The following RNASET2 variants were observed in gnomAD, a reference collection of about 807,000 sequenced individuals.
RNASET2 encodes the protein ribonuclease 6.
In RNASET2, 28 loss-of-function variants were observed where a neutral mutation model predicts 33.9. The observed-to-expected ratio is 0.83, with a 90% CI of 0.61 to 1.13. The LOEUF (loss-of-function observed/expected upper bound fraction) is 1.13, where lower values mean the gene tolerates loss of function less well. RNASET2 is among the 50% of genes most tolerant of loss of function. RNASET2 has a pLI of 0.00. For missense variants in RNASET2, 330 were observed against 319.9 expected (o/e 1.03, Z -0.24); for synonymous variants, 123 against 121.0 (o/e 1.02, Z -0.11).
At chr6:166,955,187 ACGCACACACGCACGCACACACG>A (rs1779081061) in intron 1 of RNASET2, among the ~76,000 whole-genome samples, 2 of 90,342 alleles carry the variant, frequency 2.2e-5, no homozygotes, top group African/African-American at 1.1e-4. Context: ...ACACACACAC[ACGCACACACGCACGCACACACG>A]CACGCACACA....
chr6:166,936,343 C>T (rs1193788924), intron 6 of RNASET2, among the ~76,000 whole-genome samples: 1 of 86,012 alleles, frequency 1.2e-5, no homozygotes, highest in African/African-American at 4.6e-5. Flanking sequence ...TAGAGTTTTG[C>T]ATGTGTCGTG....
intron 5 of RNASET2, among the ~76,000 whole-genome samples, chr6:166,939,313 A>G (rs1359178118): frequency 6.6e-6 from 1 of 152,218 alleles, no homozygotes; most frequent in African/African-American, 2.4e-5. Context: ...AGCCTGGGCA[A>G]GAGACAAACT....
At chr6:166,931,625 C>G (rs73256765) in intron 7 of RNASET2, 14,775 of 186,696 alleles carry the variant, frequency 0.079, 1,604 homozygotes, top group African/African-American at 0.27. Flanking sequence ...CTAGACCCCC[C>G]TGTGCTCCAA....
intron 2 of RNASET2, among the ~76,000 whole-genome samples, chr6:166,949,914 C>T (rs2769344): frequency 0.017 from 2,527 of 152,360 alleles, 88 homozygotes; most frequent in African/African-American, 0.058. Context: ...GCACCAGGGA[C>T]AGCCCTCACT....
At chr6:166,939,365 A>C (rs1233846133) in intron 5 of RNASET2, among the ~76,000 whole-genome samples, 1 of 152,284 alleles carries the variant, frequency 6.6e-6, no homozygotes, top group African/African-American at 2.4e-5. Flanking sequence ...CCCAATTAAA[A>C]TGCTCAAGCA....
chr6:166,955,209 GCACGCACACACGCGCACA>G (rs1228095084), intron 1 of RNASET2, among the ~76,000 whole-genome samples: 1 of 77,872 alleles, frequency 1.3e-5, no homozygotes, highest in Non-Finnish European at 2.4e-5. Flanking sequence ...ACGCACACAC[GCACGCACACACGCGCACA>G]CACGCACGCA....
chr6:166,955,251 A>ACG lies in RNASET2; in HGVS notation c.86+845_86+846insCG, dbSNP rs1562506819. Among the ~76,000 whole-genome samples the ACG allele has an allele frequency of 2.0e-4, 22 of 110,834 alleles. No homozygotes were observed. The South Asian group carries it at 4.8e-3, about 24-fold the overall frequency. The allele number at this position is 110,834 out of a possible 152,430, so 72.7% of individuals were successfully genotyped here. A position where few individuals can be genotyped will look rare whatever the true frequency, so the allele number is the denominator to read the frequency against. ...CACACGCACGCACGCACACACACGC[A>ACG]CACACGCACACACACACACGCGCAC... On this transcript the variant is annotated intron_variant, in intron 1 of 8. Coordinates refer to ENST00000508775, the MANE Select transcript of RNASET2 (RefSeq NM_003730.6).
chr6:166,938,680 C>T lies in RNASET2; in HGVS notation c.446+215G>A, dbSNP rs963737374. 10 of 759,984 alleles carry T rather than the reference C, an allele frequency of 1.3e-5. No individual in the cohort carries two copies. The African/African-American group carries it at 1.5e-4, about 12-fold the overall frequency. The allele number at this position is 759,984 out of a possible 1,614,324, so 47.1% of individuals were successfully genotyped here. A position where few individuals can be genotyped will look rare whatever the true frequency, so the allele number is the denominator to read the frequency against. ...CCCAGATGGGCATCCCAATACTCTG[C>T]ACCCACTCTGTGTGATCGTGATGTA... On this transcript the variant is annotated intron_variant, in intron 6 of 8. Coordinates refer to ENST00000508775, the MANE Select transcript of RNASET2 (RefSeq NM_003730.6).
At chr6:166,955,415 A>ACACACACGCG in intron 1 of RNASET2, 1 of 680,676 alleles carries the variant, frequency 1.5e-6, no homozygotes, top group Non-Finnish European at 1.8e-6. Flanking sequence ...ACACGCGCAC[A>ACACACACGCG]CACACACACA....
Position 166,956,407 on chromosome 6 carries a change from G to T in RNASET2, c.-225C>A. On this transcript the variant is annotated 5_prime_UTR_variant, in exon 1 of 9. Coordinates refer to ENST00000508775, the MANE Select transcript of RNASET2 (RefSeq NM_003730.6). Reference sequence around the variant, plus strand: ...CTCCGGGAATGGCCGCAGCAGCCCTGGCGACCCGGGCCCCTCGGAGCTCCC... The same window carrying T: ...CTCCGGGAATGGCCGCAGCAGCCCTTGCGACCCGGGCCCCTCGGAGCTCCC... 1 of 583,590 alleles carries T rather than the reference G, an allele frequency of 1.7e-6. No individual in the cohort carries two copies. Among genetic ancestry groups the T allele is most frequent in the South Asian group, 2.0e-5 (1 of 50,172 alleles). 36.2% of individuals were successfully genotyped at this position (583,590 alleles called of 1,614,324 possible).
chr6:166,950,023 T>G (rs12203820), intron 2 of RNASET2, among the ~76,000 whole-genome samples: 2 of 152,158 alleles, frequency 1.3e-5, no homozygotes, highest in Non-Finnish European at 2.9e-5. Flanking sequence ...GATTTTTTTT[T>G]AAATCTTGTT....
In RNASET2 at chr6:166,956,355, C is replaced by G. The variant is rs964340606; in HGVS notation, c.-173G>C. On this transcript the variant is annotated 5_prime_UTR_variant, in exon 1 of 9. Transcript: ENST00000508775. The stretch of plus-strand genomic sequence containing the variant: ...GCCCGGAGCCCTGGGACGGCCTAAA[C>G]CAGTATCTCGCGGGCCCCGCGCCGG... 9 of 634,878 alleles carry G rather than the reference C, an allele frequency of 1.4e-5. No individual in the cohort carries two copies. The highest frequency in any genetic ancestry group is 2.5e-5 in the Non-Finnish European group (9 of 361,182). 39.3% of individuals were successfully genotyped at this position (634,878 alleles called of 1,614,324 possible).
chr6:166,945,700 C>G (rs1258231263), intron 4 of RNASET2, among the ~76,000 whole-genome samples: 3 of 151,926 alleles, frequency 2.0e-5, no homozygotes, highest in South Asian at 2.1e-4. Context: ...CATGGTGGCG[C>G]ATGCCTGTAA....
At chr6:166,943,310 C>T in intron 4 of RNASET2, 1 of 450,312 alleles carries the variant, frequency 2.2e-6, no homozygotes, top group Non-Finnish European at 4.1e-6. Flanking sequence ...AAAATACAAG[C>T]TGTTATAGGT....
At chr6:166,956,059 C>G (rs561121019) in intron 1 of RNASET2, 38 bp downstream of exon 1, 1 of 1,539,880 alleles carries the variant, frequency 6.5e-7, no homozygotes, top group African/African-American at 1.4e-5. Context: ...TAGGGCCCGG[C>G]TCCCACGCTC....
chr6:166,945,507 G>A (rs1437881509), intron 4 of RNASET2: 2 of 153,494 alleles, frequency 1.3e-5, no homozygotes, highest in Non-Finnish European at 2.9e-5. Flanking sequence ...GGTCTTCACG[G>A]GGAGGAAAAA....
At position 166,946,690 on chromosome 6, in the gene RNASET2, C is replaced by A; in HGVS notation, c.253G>T (p.Glu85Ter). The A allele has an allele frequency of 6.5e-7, 1 of 1,539,710 alleles. No homozygotes were observed. The highest frequency in any genetic ancestry group is 8.9e-7 in the Non-Finnish European group (1 of 1,123,272). The change falls in exon 4 of 9, where the codon GAG (glutamate) becomes TAG (stop). Residue 85 changes from glutamate (E) to a stop codon, truncating the protein, a stop_gained. Transcript: ENST00000508775. LOFTEE classifies it high-confidence loss of function. The stretch of plus-strand genomic sequence containing the variant: ...TAATTAAAAGTCAATACCTTAATCT[C>A]TTCTAAATTGAAGGGCCACGATCTA... ...CNRSWPFNLE[E>*]IKDLLPEMRA...
At chr6:166,949,979 G>A (rs980688804) in intron 2 of RNASET2, among the ~76,000 whole-genome samples, 2 of 152,244 alleles carry the variant, frequency 1.3e-5, no homozygotes, top group African/African-American at 4.8e-5. Flanking sequence ...TGCCCAGTAG[G>A]AAATACACTC....
In RNASET2 at chr6:166,926,941, G is replaced by T. The variant is rs189779279; in HGVS notation, c.*2647C>A. 2.0e-5 allele frequency among the ~76,000 whole-genome samples: 3 copies of T among 152,104 alleles called. No individual in the cohort carries two copies. The East Asian group carries it at 5.8e-4, about 29-fold the overall frequency. On this transcript the variant is annotated 3_prime_UTR_variant, in exon 9 of 9. Coordinates refer to ENST00000508775, the MANE Select transcript of RNASET2 (RefSeq NM_003730.6). ...CTGGCTGCTCTCCATCCTGAGATGC[G>T]CCTGCTCCTTTGTCCCCCTGGGAGA...
Sources: gnomAD v4.1 joint callset for allele counts (sites outside exome capture counted in the v4.1 genomes callset) on GRCh38, gnomAD v4.1.1 for gene constraint, MANE v1.5 for transcripts, NCBI Gene and HGNC (gene_info 2026-07-23, HGNC 2026-07-21) for gene names.